The following TSPAN18 variants were observed in gnomAD, a reference collection of about 807,000 sequenced individuals.
TSPAN18 encodes tetraspanin-18.
A neutral mutation model predicts 27.3 loss-of-function variants in TSPAN18; 14 were observed. That is an observed-to-expected ratio of 0.51 (90% CI 0.34 to 0.80). The LOEUF (loss-of-function observed/expected upper bound fraction) is 0.80, where lower values mean the gene tolerates loss of function less well. TSPAN18 is among the 30% of genes least tolerant of loss of function. The pLI is 0.01. For missense variants in TSPAN18, 268 were observed against 323.9 expected, an observed-to-expected ratio of 0.83 and a Z score of 1.32; for synonymous variants, 143 against 136.5, an observed-to-expected ratio of 1.05 and a Z score of -0.33.
chr11:44,774,276 G>T (rs950517877), intron 2 of TSPAN18, among the ~76,000 whole-genome samples: 4 of 152,200 alleles, frequency 2.6e-5, no homozygotes, highest in African/African-American at 9.7e-5. Context: ...GGAGAAGGAG[G>T]GGGCAGAGCC....
At chr11:44,770,777 G>C (rs1855672698) in intron 2 of TSPAN18, among the ~76,000 whole-genome samples, 1 of 152,176 alleles carries the variant, frequency 6.6e-6, no homozygotes. Context: ...TGGTGGAGGT[G>C]CTGAGAAGCC....
At chr11:44,800,006 G>GTTTTTTTTTTT (rs60067559) in intron 2 of TSPAN18, among the ~76,000 whole-genome samples, 130 of 109,352 alleles carry the variant, frequency 1.2e-3, no homozygotes, top group Non-Finnish European at 1.6e-3. Flanking sequence ...AATTTTTTGT[G>GTTTTTTTTTTT]TTTTTTTTTT....
chr11:44,790,683 TTAAG>T (rs1317013559), intron 2 of TSPAN18, among the ~76,000 whole-genome samples: 1 of 152,136 alleles, frequency 6.6e-6, no homozygotes, highest in Non-Finnish European at 1.5e-5. Flanking sequence ...TGCCAGATGT[TTAAG>T]TAAACCTGGA....
intron 2 of TSPAN18, among the ~76,000 whole-genome samples, chr11:44,857,710 C>T (rs1432560236): frequency 6.6e-6 from 1 of 152,228 alleles, no homozygotes; most frequent in African/African-American, 2.4e-5. Flanking sequence ...TGACTGTCCA[C>T]TCCCAGCCCC....
At chr11:44,757,891 C>A (rs187934046) in intron 1 of TSPAN18, among the ~76,000 whole-genome samples, 1 of 152,160 alleles carries the variant, frequency 6.6e-6, no homozygotes, top group Admixed American at 6.5e-5. Context: ...ATATGATTTG[C>A]AAATATGTTC....
Position 44,873,029 on chromosome 11 carries a change from G to A in TSPAN18, c.-11+12560G>A, listed in dbSNP as rs970192991. On this transcript the variant is annotated intron_variant, in intron 3 of 9. Transcript: ENST00000520358. ...CCAGGCCTGGAGAGACACCAGGGAG[G>A]GCTTCCTGGAGGTAGGAATGTTTCA... is the stretch of plus-strand genomic sequence containing the variant. Among the ~76,000 whole-genome samples the A allele has an allele frequency of 2.0e-4, 30 of 152,152 alleles. 1 individual carries two copies. The highest frequency in any genetic ancestry group is 6.5e-4 in the African/African-American group (27 of 41,432).
chr11:44,906,564 C>T (rs1002052294), intron 4 of TSPAN18, 85 bp downstream of exon 4: 17 of 1,321,484 alleles, frequency 1.3e-5, no homozygotes, highest in Non-Finnish European at 1.8e-5. Context: ...GGCTGAGTCC[C>T]TGGGGCGAGC....
intron 3 of TSPAN18, among the ~76,000 whole-genome samples, chr11:44,876,532 C>G (rs978095547): frequency 1.3e-5 from 2 of 152,198 alleles, no homozygotes; most frequent in Admixed American, 6.5e-5. Flanking sequence ...AGACATCAAG[C>G]TGGGCCTTGG....
chr11:44,876,480 C>T lies in TSPAN18; in HGVS notation c.-11+16011C>T, dbSNP rs61657428. Among the ~76,000 whole-genome samples, 1,387 of 152,290 alleles carry T rather than the reference C, an allele frequency of 9.1e-3. 25 individuals are homozygous for T. Among genetic ancestry groups the T allele is most frequent in the African/African-American group, 0.031 (1,303 of 41,554 alleles). On this transcript the variant is annotated intron_variant, in intron 3 of 9. Transcript: ENST00000520358. ...CATTGGAAGTAAACAGAAGGGACCACTGCTTAGGCTGGAGAAATCAGGGAA... is the reference window on the plus strand; with the variant it reads ...CATTGGAAGTAAACAGAAGGGACCATTGCTTAGGCTGGAGAAATCAGGGAA...
At chr11:44,864,385 A>G (rs77513545) in intron 3 of TSPAN18, among the ~76,000 whole-genome samples, 1,679 of 151,664 alleles carry the variant, frequency 0.011, 36 homozygotes, top group African/African-American at 0.039. Context: ...CCAGAATCAC[A>G]TTTATTCATT....
chr11:44,909,355 G>A (rs1859621942), intron 4 of TSPAN18, among the ~76,000 whole-genome samples: 3 of 152,132 alleles, frequency 2.0e-5, no homozygotes, highest in Non-Finnish European at 4.4e-5. Flanking sequence ...CCTCTGTATG[G>A]AATCAGAGGG....
intron 1 of TSPAN18, among the ~76,000 whole-genome samples, chr11:44,759,072 G>A (rs1855393810): frequency 6.6e-6 from 1 of 152,214 alleles, no homozygotes; most frequent in Non-Finnish European, 1.5e-5. Context: ...GCTTCCATCA[G>A]CAGCTGTCCT....
chr11:44,817,934 C>G (rs1358976479), intron 2 of TSPAN18, among the ~76,000 whole-genome samples: 2 of 152,206 alleles, frequency 1.3e-5, no homozygotes, highest in Non-Finnish European at 2.9e-5. Context: ...CAACAGTCCT[C>G]AGTGGGAACT....
intron 5 of TSPAN18, among the ~76,000 whole-genome samples, chr11:44,913,465 T>G (rs963630816): frequency 6.6e-6 from 1 of 152,274 alleles, no homozygotes; most frequent in African/African-American, 2.4e-5. Context: ...TTTTCTCATT[T>G]GCTTACCTTT....
Position 44,825,465 on chromosome 11 carries a change from G to A in TSPAN18, c.-152-34863G>A, listed in dbSNP as rs16938092. ...CTCCAGTGCTCTCAAGCTTCTCCCT[G>A]GGTCCTGCCACCTTCTGCAGTGTGC... On this transcript the variant is annotated intron_variant, in intron 2 of 9. Transcript: ENST00000520358. 3.3e-3 allele frequency among the ~76,000 whole-genome samples: 507 copies of A among 152,282 alleles called. 6 individuals are homozygous for A. The highest frequency in any genetic ancestry group is 0.012 in the African/African-American group (482 of 41,552).
At chr11:44,894,678 T>G (rs1037777274) in intron 3 of TSPAN18, among the ~76,000 whole-genome samples, 1 of 152,198 alleles carries the variant, frequency 6.6e-6, no homozygotes, top group African/African-American at 2.4e-5. Context: ...CCCATCTCTG[T>G]GCCTTTCTGG....
At position 44,727,194 on chromosome 11, in the gene TSPAN18, C is replaced by T. The variant is rs1854535192; in HGVS notation, c.-333C>T. ...GCCACCGCCGGGAAGGCAGCCGGCG[C>T]CGGGCAAGTTGCGAGCGCGCCCCTC... On this transcript the variant is annotated 5_prime_UTR_variant, in exon 1 of 10. Coordinates refer to ENST00000520358, the MANE Select transcript of TSPAN18 (RefSeq NM_130783.5). The T allele has an allele frequency of 6.6e-6, 1 of 151,270 alleles. No homozygotes were observed. The highest frequency in any genetic ancestry group is 1.8e-4 in the South Asian group (1 of 5,472). The allele number at this position is 151,270 out of a possible 1,614,324, so 9.4% of individuals were successfully genotyped here.
chr11:44,798,612 G>A (rs937585930), intron 2 of TSPAN18, among the ~76,000 whole-genome samples: 2 of 152,134 alleles, frequency 1.3e-5, no homozygotes, highest in African/African-American at 4.8e-5. Flanking sequence ...GACCCCCCTG[G>A]GCAGCCCTCA....
At chr11:44,829,505 T>C (rs1236858443) in intron 2 of TSPAN18, among the ~76,000 whole-genome samples, 1 of 152,256 alleles carries the variant, frequency 6.6e-6, no homozygotes, top group Non-Finnish European at 1.5e-5. Context: ...CATGTCTTTT[T>C]GGGTACGATA....
Sources: gnomAD v4.1 joint callset for allele counts (sites outside exome capture counted in the v4.1 genomes callset) on GRCh38, gnomAD v4.1.1 for gene constraint, MANE v1.5 for transcripts, NCBI Gene and HGNC (gene_info 2026-07-23, HGNC 2026-07-21) for gene names.